FBH1: variants seen among roughly 807,000 people sequenced by gnomAD.
FBH1 encodes DNA 3'-5' helicase 1.
FBH1 carries 43 observed loss-of-function variants against 115.5 expected under a neutral mutation model. The observed-to-expected ratio is 0.37, with a 90% CI of 0.29 to 0.48. The LOEUF is 0.48. Ranked by LOEUF, FBH1 falls within the 20% of genes least tolerant of loss-of-function variation. The pLI is 0.99. For missense variants in FBH1, 1,001 were observed against 1,337.3 expected, an observed-to-expected ratio of 0.75 and a Z score of 3.92; for synonymous variants, 524 against 507.8, an observed-to-expected ratio of 1.03 and a Z score of -0.43.
In FBH1 at chr10:5,918,291, G is replaced by C; in HGVS notation, c.1964-51G>C. On this transcript the variant is annotated intron_variant, in intron 12 of 20. Coordinates refer to ENST00000362091, the MANE Select transcript of FBH1 (RefSeq NM_178150.3). This position sits in a 1 kb window ranked among gnomAD's most constrained non-coding sequence, Gnocchi z 4.0. ...GTGTTTTTGTCCTTTTCTTTTTGCT[G>C]CCTGGGGTGGAGGCCTCAAGGTTTC... 6.3e-7 allele frequency: 1 copy of C among 1,593,028 alleles called. No individual in the cohort carries two copies. Among genetic ancestry groups the C allele is most frequent in the Non-Finnish European group, 8.5e-7 (1 of 1,174,216 alleles).
In FBH1 at chr10:5,914,097, A is replaced by G; in HGVS notation, c.1305-81A>G. 7.6e-7 allele frequency: 1 copy of G among 1,322,558 alleles called. No individual in the cohort carries two copies. Among genetic ancestry groups the G allele is most frequent in the Middle Eastern group, 1.9e-4 (1 of 5,402 alleles). 81.9% of individuals were successfully genotyped at this position (1,322,558 alleles called of 1,614,324 possible). ...GTCAGCTTTTGTTTATCCAGTTTGT[A>G]TGTTTGGTTTTTGGACTGTCTATCC... On this transcript the variant is annotated intron_variant, in intron 7 of 20. Transcript: ENST00000362091. The surrounding 1 kb of genome is among the most constrained non-coding windows in gnomAD (Gnocchi z 5.2).
intron 1 of FBH1, among the ~76,000 whole-genome samples, chr10:5,892,879 A>G (rs560630874): frequency 1.3e-5 from 2 of 152,344 alleles, no homozygotes; most frequent in East Asian, 3.9e-4. Flanking sequence ...GGCCTTTGCC[A>G]ATTCTCACAT....
chr10:5,916,973 T>G (rs1439215197), intron 10 of FBH1: 1 of 194,176 alleles, frequency 5.1e-6, no homozygotes, highest in African/African-American at 2.4e-5. Context: ...TCACTGGGGC[T>G]CCTGGACCTC....
In FBH1 at chr10:5,895,105, T is replaced by A; in HGVS notation, c.1+4759T>A. On this transcript the variant is annotated intron_variant, in intron 1 of 20. Transcript: ENST00000362091. The surrounding 1 kb of genome is among the most constrained non-coding windows in gnomAD (Gnocchi z 5.0). ...CTGAGTCATGTGATAATGGGCTACA[T>A]TGCGCAGGGCCCCTGGGCCATCTCC... 3 of 1,614,040 alleles carry A rather than the reference T, an allele frequency of 1.9e-6. No individual in the cohort carries two copies. Among genetic ancestry groups the A allele is most frequent in the Non-Finnish European group, 2.5e-6 (3 of 1,179,944 alleles).
At chr10:5,902,947 T>TA in intron 1 of FBH1, 73 bp from the exon 2 acceptor site, 1 of 1,416,198 alleles carries the variant, frequency 7.1e-7, no homozygotes, top group Non-Finnish European at 9.5e-7. Context: ...TTGAGTATAA[T>TA]GTGCTGGCTA....
chr10:5,930,416 C>T lies in FBH1; in HGVS notation c.2829+2875C>T, dbSNP rs192682246. On this transcript the variant is annotated intron_variant, in intron 19 of 20. Transcript: ENST00000362091. ...CTGGGTCATTCGTCCTACAGAGCGT[C>T]CCCATTCTTGGTTTGCTTCCCGGTG... 2.4e-3 allele frequency among the ~76,000 whole-genome samples: 369 copies of T among 152,348 alleles called. 3 individuals carry two copies. The highest frequency in any genetic ancestry group is 0.017 in the Middle Eastern group (5 of 294).
Position 5,936,284 on chromosome 10 carries a change from TGGAGGCAGGGAAAAGTTAGA to T in FBH1, c.2830-168_2830-149del. On this transcript the variant is annotated intron_variant, in intron 19 of 20. Coordinates refer to ENST00000362091, the MANE Select transcript of FBH1 (RefSeq NM_178150.3). This position sits in a 1 kb window ranked among gnomAD's most constrained non-coding sequence, Gnocchi z 5.6. ...CTGTCAGTTGGACTGTCGATAGCTT[TGGAGGCAGGGAAAAGTTAGA>T]GGAAGTAAGGGAGAACGGGTTAGGC... 1.7e-6 allele frequency: 1 copy of T among 581,322 alleles called. No individual in the cohort carries two copies. Among genetic ancestry groups the T allele is most frequent in the Non-Finnish European group, 3.0e-6 (1 of 335,516 alleles). 36.0% of individuals were successfully genotyped at this position (581,322 alleles called of 1,614,324 possible). A position where few individuals can be genotyped will look rare whatever the true frequency, so the allele number is the denominator to read the frequency against.
rs1831927673 is a variant in FBH1, at chr10:5,916,215, T to C, written c.1566-19T>C. ...AGCCAGGAGAGCCACGTGCTGTTCA[T>C]TTGGGATGGGTATTGCAGGTACCAG... On this transcript the variant is annotated intron_variant, in intron 9 of 20. Transcript: ENST00000362091. The C allele has an allele frequency of 7.5e-6, 12 of 1,610,260 alleles. No homozygotes were observed. The highest frequency in any genetic ancestry group is 1.0e-5 in the Non-Finnish European group (12 of 1,176,830).
intron 1 of FBH1, chr10:5,894,059 C>A (rs1438832673): frequency 1.3e-5 from 13 of 985,252 alleles, no homozygotes; most frequent in Non-Finnish European, 1.3e-5. Context: ...ACAGGTGTCT[C>A]AGATGTGAGA....
rs1589084445 is a variant in FBH1, at chr10:5,914,828, T to C, written c.1396+559T>C. On this transcript the variant is annotated intron_variant, in intron 8 of 20. Transcript: ENST00000362091. The surrounding 1 kb of genome is among the most constrained non-coding windows in gnomAD (Gnocchi z 5.2). Reference sequence around the variant, plus strand: ...CTGTAATCCCTTCCTGCTCCTTTTGTGGCTAAATACCCTGCTAACAACAAC... The same window carrying C: ...CTGTAATCCCTTCCTGCTCCTTTTGCGGCTAAATACCCTGCTAACAACAAC... Among the ~76,000 whole-genome samples the C allele has an allele frequency of 6.6e-6, 1 of 152,340 alleles. No individual in the cohort carries two copies. Among genetic ancestry groups the C allele is most frequent in the South Asian group, 2.1e-4 (1 of 4,830 alleles).
At chr10:5,893,239 G>A (rs1373126521) in intron 1 of FBH1, among the ~76,000 whole-genome samples, 3 of 152,176 alleles carry the variant, frequency 2.0e-5, no homozygotes, top group Admixed American at 6.5e-5. Context: ...CTGGGAGGCG[G>A]AGGTTGCAAT....
upstream of FBH1, chr10:5,889,684 C>G (rs1472756936): frequency 5.8e-6 from 1 of 172,920 alleles, no homozygotes; most frequent in African/African-American, 2.4e-5. Context: ...GATCCGAGAG[C>G]GCTGGCGTCC....
In FBH1 at chr10:5,917,016, C is replaced by G; in HGVS notation, c.1789-404C>G. On this transcript the variant is annotated intron_variant, in intron 10 of 20. Transcript: ENST00000362091. This position sits in a 1 kb window ranked among gnomAD's most constrained non-coding sequence, Gnocchi z 5.6. Reference sequence around the variant, plus strand: ...ATCTTAACTGAAGGCTGGAATCTCTCCTGATTTTCTTGGGTTATTGGTTCT... The same window carrying G: ...ATCTTAACTGAAGGCTGGAATCTCTGCTGATTTTCTTGGGTTATTGGTTCT... The G allele has an allele frequency of 4.7e-6, 1 of 210,974 alleles. No homozygotes were observed. The highest frequency in any genetic ancestry group is 9.8e-6 in the Non-Finnish European group (1 of 102,042). 13.1% of individuals were successfully genotyped at this position (210,974 alleles called of 1,614,324 possible). A position where few individuals can be genotyped will look rare whatever the true frequency, so the allele number is the denominator to read the frequency against.
chr10:5,896,675 T>C (rs1014543819), intron 1 of FBH1, among the ~76,000 whole-genome samples: 1 of 152,100 alleles, frequency 6.6e-6, no homozygotes, highest in African/African-American at 2.4e-5. Context: ...CTGGGGGCCT[T>C]GTAGAGTTTG....
chr10:5,922,585 A>G (rs770035541), intron 15 of FBH1, among the ~76,000 whole-genome samples: 19 of 151,956 alleles, frequency 1.3e-4, no homozygotes, highest in Admixed American at 6.5e-5. Context: ...TAGCTGTACC[A>G]TGTGTCATTA....
chr10:5,923,561 CAAACA>C lies in FBH1; in HGVS notation c.2323-46_2323-42del, dbSNP rs917969790. ...TTATTTTGTTTTGTTAAAGCAACAA[CAAACA>C]AAACAAAACAAAAAACAACAAAAAA... On this transcript the variant is annotated intron_variant, in intron 15 of 20. Coordinates refer to ENST00000362091, the MANE Select transcript of FBH1 (RefSeq NM_178150.3). The surrounding 1 kb of genome is among the most constrained non-coding windows in gnomAD (Gnocchi z 5.7). 5.8e-5 allele frequency: 82 copies of C among 1,425,752 alleles called. 1 individual carries two copies. Among genetic ancestry groups the C allele is most frequent in the South Asian group, 2.8e-4 (23 of 83,102 alleles). The allele number at this position is 1,425,752 out of a possible 1,614,324, so 88.3% of individuals were successfully genotyped here.
chr10:5,900,485 G>C lies in FBH1; in HGVS notation c.2-2535G>C, dbSNP rs2131868331. Among the ~76,000 whole-genome samples, 1 of 152,362 alleles carries C rather than the reference G, an allele frequency of 6.6e-6. No homozygotes were observed. The highest frequency in any genetic ancestry group is 3.4e-3 in the Middle Eastern group (1 of 294). On this transcript the variant is annotated intron_variant, in intron 1 of 20. Coordinates refer to ENST00000362091, the MANE Select transcript of FBH1 (RefSeq NM_178150.3). This position sits in a 1 kb window ranked among gnomAD's most constrained non-coding sequence, Gnocchi z 4.2. ...ACCACGCTGCGCTGTGCTGCTTCGT[G>C]AGAGTGAGCGCATCTGTGATTGCTG...
chr10:5,914,645 G>A lies in FBH1; in HGVS notation c.1396+376G>A, dbSNP rs1831814792. On this transcript the variant is annotated intron_variant, in intron 8 of 20. Transcript: ENST00000362091. The surrounding 1 kb of genome is among the most constrained non-coding windows in gnomAD (Gnocchi z 5.2). ...CAGTTTTATAGGGTGATGTCTAGAG[G>A]GCCTGCCTTAGATTGGCTTTTAACT... Among the ~76,000 whole-genome samples, 1 of 152,068 alleles carries A rather than the reference G, an allele frequency of 6.6e-6. No individual in the cohort carries two copies. The highest frequency in any genetic ancestry group is 6.6e-5 in the Admixed American group (1 of 15,262).
rs549078772 is a variant in FBH1, at chr10:5,936,381, C to A, written c.2830-75C>A. The A allele has an allele frequency of 1.9e-6, 3 of 1,552,076 alleles. No homozygotes were observed. ...TGCATCTAAAGGGTTCTCACAGAGC[C>A]GCCGCTATCAGTGTTTCCAGTAGAC... On this transcript the variant is annotated intron_variant, in intron 19 of 20. Transcript: ENST00000362091. The surrounding 1 kb of genome is among the most constrained non-coding windows in gnomAD (Gnocchi z 5.6).
Sources: allele counts gnomAD v4.1 joint callset (sites outside exome capture counted in the v4.1 genomes callset), GRCh38; gene constraint gnomAD v4.1.1; non-coding constraint Gnocchi (gnomAD v3.1); transcripts MANE v1.5; gene names NCBI Gene and HGNC (gene_info 2026-07-23, HGNC 2026-07-21).